Variants in TRPC4 observed in about 807,000 individuals in gnomAD.
TRPC4 encodes transient receptor potential cation channel subfamily C member 4.
In TRPC4, 49 loss-of-function variants were observed where a neutral mutation model predicts 99.4. The ratio of observed to expected loss-of-function variants is 0.49; its 90% CI spans 0.39 to 0.63. The LOEUF is 0.63. TRPC4 is among the 20% of genes least tolerant of loss of function. TRPC4 has a pLI of 0.00. For missense variants in TRPC4, 898 were observed against 1,152.9 expected (o/e 0.78, Z 3.20); for synonymous variants, 454 against 425.9 (o/e 1.07, Z -0.81).
chr13:37,767,595 T>C (rs1405127147), intron 2 of TRPC4, among the ~76,000 whole-genome samples: 1 of 151,302 alleles, frequency 6.6e-6, no homozygotes, highest in Non-Finnish European at 1.5e-5. Context: ...AATATATATA[T>C]TCCCACATAA....
chr13:37,854,734 T>A (rs186239767), intron 1 of TRPC4: 4 of 152,150 alleles, frequency 2.6e-5, no homozygotes, highest in African/African-American at 9.6e-5. Context: ...TAACTTCGAA[T>A]TGAAAATCAC....
chr13:37,737,167 G>T (rs183527954), intron 3 of TRPC4, among the ~76,000 whole-genome samples: 1 of 151,726 alleles, frequency 6.6e-6, no homozygotes, highest in Non-Finnish European at 1.5e-5. Flanking sequence ...GTGGAATCTT[G>T]TATTTTTCTG....
chr13:37,671,439 T>C (rs1453767179), intron 5 of TRPC4, among the ~76,000 whole-genome samples: 2 of 152,098 alleles, frequency 1.3e-5, no homozygotes, highest in Admixed American at 1.3e-4. Context: ...AGATTGAACA[T>C]GGTGAAGGCA....
chr13:37,724,904 C>T (rs1236515869), intron 3 of TRPC4, among the ~76,000 whole-genome samples: 2 of 152,004 alleles, frequency 1.3e-5, no homozygotes, highest in Non-Finnish European at 2.9e-5. Flanking sequence ...ATGGAGAAAA[C>T]GTTAACTGTA....
intron 1 of TRPC4, among the ~76,000 whole-genome samples, chr13:37,792,432 G>A (rs1478563548): frequency 2.0e-5 from 3 of 151,994 alleles, no homozygotes; most frequent in Admixed American, 6.6e-5. Context: ...AAACAAGAAC[G>A]CGTGCATAAA....
chr13:37,863,382 A>G (rs947060297), intron 1 of TRPC4, among the ~76,000 whole-genome samples: 2 of 151,626 alleles, frequency 1.3e-5, no homozygotes, highest in Admixed American at 6.6e-5. Context: ...ACACTCAAGC[A>G]GTCTCCCACT....
At chr13:37,829,658 A>G (rs1191602917) in intron 1 of TRPC4, among the ~76,000 whole-genome samples, 2 of 152,216 alleles carry the variant, frequency 1.3e-5, no homozygotes, top group Non-Finnish European at 2.9e-5. Flanking sequence ...CACTCAAATT[A>G]AATGAAAATA....
At chr13:37,820,364 T>G (rs1957978000) in intron 1 of TRPC4, among the ~76,000 whole-genome samples, 1 of 151,868 alleles carries the variant, frequency 6.6e-6, no homozygotes, top group East Asian at 1.9e-4. Flanking sequence ...CTACCAGAGA[T>G]ATAAAGAAAT....
chr13:37,828,471 A>G (rs760666630), intron 1 of TRPC4, among the ~76,000 whole-genome samples: 1 of 152,228 alleles, frequency 6.6e-6, no homozygotes, highest in Non-Finnish European at 1.5e-5. Context: ...TAACACACCC[A>G]TTCCATTATT....
At chr13:37,719,258 G>T (rs1204479834) in intron 3 of TRPC4, among the ~76,000 whole-genome samples, 1 of 152,108 alleles carries the variant, frequency 6.6e-6, no homozygotes, top group African/African-American at 2.4e-5. Flanking sequence ...TGAGGTGGGA[G>T]AATCACCTGA....
chr13:37,742,526 A>G (rs557782805), intron 3 of TRPC4, among the ~76,000 whole-genome samples: 31 of 152,246 alleles, frequency 2.0e-4, no homozygotes, highest in Non-Finnish European at 3.4e-4. Context: ...AATGCAATAT[A>G]GGGTGTGTAT....
At chr13:37,801,525 C>A (rs1413029550) in intron 1 of TRPC4, among the ~76,000 whole-genome samples, 1 of 151,982 alleles carries the variant, frequency 6.6e-6, no homozygotes, top group Non-Finnish European at 1.5e-5. Context: ...GGTTATAAAT[C>A]TTTTATTCTA....
intron 2 of TRPC4, among the ~76,000 whole-genome samples, chr13:37,782,407 A>G (rs1367328873): frequency 2.0e-5 from 3 of 152,162 alleles, no homozygotes; most frequent in Non-Finnish European, 2.9e-5. Flanking sequence ...GCTATCTCAT[A>G]GTAATCCTTT....
At chr13:37,699,192 T>A (rs1020175824) in intron 3 of TRPC4, among the ~76,000 whole-genome samples, 39 of 152,098 alleles carry the variant, frequency 2.6e-4, no homozygotes, top group African/African-American at 9.4e-4. Context: ...AAAAATTAGA[T>A]GAATTAATAT....
chr13:37,642,960 G>C (rs1951770776), intron 8 of TRPC4, among the ~76,000 whole-genome samples: 1 of 152,064 alleles, frequency 6.6e-6, no homozygotes, highest in Non-Finnish European at 1.5e-5. Flanking sequence ...TCGAACTCCT[G>C]ACCTTGAGAT....
intron 3 of TRPC4, among the ~76,000 whole-genome samples, chr13:37,693,363 C>A (rs1405342797): frequency 6.6e-6 from 1 of 152,050 alleles, no homozygotes; most frequent in East Asian, 1.9e-4. Context: ...AGAAAGTGTA[C>A]AGTGGGATTA....
chr13:37,828,356 A>G (rs1958312111), intron 1 of TRPC4, among the ~76,000 whole-genome samples: 1 of 152,194 alleles, frequency 6.6e-6, no homozygotes. Flanking sequence ...GAGGTTGTGG[A>G]GAAAAGGGAA....
At chr13:37,665,239 G>A (rs1000326653) in intron 5 of TRPC4, among the ~76,000 whole-genome samples, 2 of 151,970 alleles carry the variant, frequency 1.3e-5, no homozygotes, top group Admixed American at 1.3e-4. Flanking sequence ...ACATATTTAA[G>A]TCCGTAACTA....
At chr13:37,761,851 C>T (rs557935068) in intron 2 of TRPC4, among the ~76,000 whole-genome samples, 4 of 151,782 alleles carry the variant, frequency 2.6e-5, no homozygotes, top group Non-Finnish European at 5.9e-5. Context: ...CCTGGCGGGC[C>T]GATTTTGTAA....
Sources: gnomAD v4.1 joint callset for allele counts (sites outside exome capture counted in the v4.1 genomes callset) on GRCh38, gnomAD v4.1.1 for gene constraint, MANE v1.5 for transcripts, NCBI Gene and HGNC (gene_info 2026-07-23, HGNC 2026-07-21) for gene names.